The following CA10 variants were observed in gnomAD, a reference collection of about 807,000 sequenced individuals.
CA10 encodes carbonic anhydrase-related protein 10.
In CA10, 14 loss-of-function variants were observed where a neutral mutation model predicts 44.2. The ratio of observed to expected loss-of-function variants is 0.32; its 90% CI spans 0.21 to 0.50. The LOEUF (loss-of-function observed/expected upper bound fraction) is 0.50, where lower values mean the gene tolerates loss of function less well. Among genes scored for constraint, CA10 ranks in the 20% least tolerant of loss-of-function variants. CA10 has a pLI of 0.99. For missense variants in CA10, 350 were observed against 409.7 expected, an observed-to-expected ratio of 0.85 and a Z score of 1.26; for synonymous variants, 159 against 141.6, an observed-to-expected ratio of 1.12 and a Z score of -0.87.
intron 6 of CA10, among the ~76,000 whole-genome samples, chr17:51,643,494 G>A (rs1405212557): frequency 6.6e-6 from 1 of 152,072 alleles, no homozygotes; most frequent in Non-Finnish European, 1.5e-5. Context: ...AATTCAGCCC[G>A]AATTTAGTTC....
intron 2 of CA10, among the ~76,000 whole-genome samples, chr17:52,045,443 A>G: frequency 6.6e-6 from 1 of 152,050 alleles, no homozygotes; most frequent in Admixed American, 6.6e-5. Flanking sequence ...TAATTTCTTC[A>G]AAAGATAAAT....
chr17:51,853,343 G>A (rs1012135133), intron 3 of CA10, among the ~76,000 whole-genome samples: 7 of 152,162 alleles, frequency 4.6e-5, no homozygotes, highest in Admixed American at 2.0e-4. Context: ...GCTGGACAAG[G>A]GCTGGTCTGT....
At chr17:52,030,086 T>C (rs1035842217) in intron 2 of CA10, among the ~76,000 whole-genome samples, 2 of 152,152 alleles carry the variant, frequency 1.3e-5, no homozygotes, top group African/African-American at 4.8e-5. Context: ...GGATGAAACA[T>C]AGGCGTGTAG....
intron 2 of CA10, among the ~76,000 whole-genome samples, chr17:51,954,060 A>G (rs1983579488): frequency 6.6e-6 from 1 of 152,194 alleles, no homozygotes; most frequent in Admixed American, 6.6e-5. Flanking sequence ...AGAGACAAAC[A>G]TTATTCTCAT....
chr17:52,032,526 T>C (rs539245558), intron 2 of CA10, among the ~76,000 whole-genome samples: 46 of 152,302 alleles, frequency 3.0e-4, no homozygotes, highest in African/African-American at 1.1e-3. Flanking sequence ...GTCTTCATGG[T>C]ACCTTCCTCT....
chr17:52,123,371 G>GTGTGT, intron 1 of CA10, among the ~76,000 whole-genome samples: 1 of 146,342 alleles, frequency 6.8e-6, no homozygotes, highest in South Asian at 2.2e-4. Context: ...ATATATATGG[G>GTGTGT]GTGTGTGTGT....
intron 3 of CA10, among the ~76,000 whole-genome samples, chr17:51,809,303 G>C (rs1315439818): frequency 6.6e-6 from 1 of 152,154 alleles, no homozygotes; most frequent in Non-Finnish European, 1.5e-5. Context: ...TTATGTGTCA[G>C]GCACTGTGTT....
chr17:51,688,204 G>T (rs1915071772), intron 4 of CA10, among the ~76,000 whole-genome samples: 1 of 152,146 alleles, frequency 6.6e-6, no homozygotes, highest in Admixed American at 6.5e-5. Flanking sequence ...TTCTACCCCA[G>T]TCAAGCCTTC....
At chr17:51,815,519 G>A (rs989490603) in intron 3 of CA10, among the ~76,000 whole-genome samples, 1 of 152,050 alleles carries the variant, frequency 6.6e-6, no homozygotes, top group Non-Finnish European at 1.5e-5. Flanking sequence ...CCATGGATTG[G>A]TAGAGTCCTG....
At chr17:51,841,408 T>C (rs540251391) in intron 3 of CA10, among the ~76,000 whole-genome samples, 1 of 152,270 alleles carries the variant, frequency 6.6e-6, no homozygotes, top group South Asian at 2.1e-4. Flanking sequence ...AAAGAGTGCA[T>C]CTTCTTTGCT....
intron 2 of CA10, among the ~76,000 whole-genome samples, chr17:52,033,046 C>T (rs1045371167): frequency 2.0e-5 from 3 of 152,118 alleles, no homozygotes; most frequent in South Asian, 4.1e-4. Flanking sequence ...GCAATGACTC[C>T]AACTACAACA....
rs78549161 is a variant in CA10, at chr17:51,649,139, C to G, written c.634+43G>C. 3.4e-6 allele frequency: 5 copies of G among 1,471,518 alleles called. No individual in the cohort carries two copies. The African/African-American group carries it at 4.2e-5, about 12-fold the overall frequency. The allele number at this position is 1,471,518 out of a possible 1,614,324, so 91.2% of individuals were successfully genotyped here. On this transcript the variant is annotated intron_variant, in intron 6 of 8. Coordinates refer to ENST00000451037, the MANE Select transcript of CA10 (RefSeq NM_020178.5). ...CTTCCCGCCTTCAGGCAGGTCTAAC[C>G]TTTATAGAATAGTTGCTGTGGAGGA...
At position 51,946,844 on chromosome 17, in the gene CA10, G is replaced by A. The variant is rs113329561; in HGVS notation, c.137-15712C>T. Among the ~76,000 whole-genome samples, 579 of 152,154 alleles carry A rather than the reference G, an allele frequency of 3.8e-3. 1 individual carries two copies. The highest frequency in any genetic ancestry group is 0.013 in the African/African-American group (549 of 41,530). ...CTTATAGTATGATAATGAAATATACGTTGTTTGATGAATGAATGAGGAGTG... is the reference window on the plus strand; with the variant it reads ...CTTATAGTATGATAATGAAATATACATTGTTTGATGAATGAATGAGGAGTG... On this transcript the variant is annotated intron_variant, in intron 2 of 8. Transcript: ENST00000451037.
chr17:51,787,915 TTTCA>T (rs1363447388), intron 3 of CA10, among the ~76,000 whole-genome samples: 3 of 152,236 alleles, frequency 2.0e-5, no homozygotes, highest in Non-Finnish European at 2.9e-5. Context: ...CAACTTTTTG[TTTCA>T]TTGATATTTT....
intron 1 of CA10, among the ~76,000 whole-genome samples, chr17:52,147,532 A>T (rs994114664): frequency 6.6e-6 from 1 of 152,130 alleles, no homozygotes; most frequent in Non-Finnish European, 1.5e-5. Context: ...TACACTTAAA[A>T]TTGCATGTGG....
At chr17:51,857,562 A>G (rs1364113701) in intron 3 of CA10, among the ~76,000 whole-genome samples, 3 of 152,156 alleles carry the variant, frequency 2.0e-5, no homozygotes, top group Non-Finnish European at 4.4e-5. Context: ...TGCTGGCCCA[A>G]TTTATCTGTC....
intron 1 of CA10, among the ~76,000 whole-genome samples, chr17:52,073,905 A>G (rs996435961): frequency 6.6e-6 from 1 of 152,192 alleles, no homozygotes; most frequent in African/African-American, 2.4e-5. Context: ...AGACAAGGAG[A>G]TTTGAAGTCA....
chr17:51,866,120 G>A (rs536873692), intron 3 of CA10, among the ~76,000 whole-genome samples: 1 of 152,200 alleles, frequency 6.6e-6, no homozygotes, highest in Non-Finnish European at 1.5e-5. Flanking sequence ...GTCATGTCCT[G>A]ATAGTTCCTG....
intron 1 of CA10, among the ~76,000 whole-genome samples, chr17:52,119,308 GA>G (rs1260545286): frequency 5.9e-5 from 9 of 152,148 alleles, no homozygotes; most frequent in African/African-American, 1.9e-4. Context: ...TTTTGCAACA[GA>G]ATGCAAGTGG....
Sources: allele counts gnomAD v4.1 joint callset (sites outside exome capture counted in the v4.1 genomes callset), GRCh38; gene constraint gnomAD v4.1.1; transcripts MANE v1.5; gene names NCBI Gene and HGNC (gene_info 2026-07-23, HGNC 2026-07-21).